Variants in ACSS1 observed in about 807,000 individuals in gnomAD.
The protein encoded by ACSS1 is acetyl-coenzyme A synthetase 2-like, mitochondrial.
ACSS1 carries 42 observed loss-of-function variants against 75.3 expected under a neutral mutation model. The observed-to-expected ratio is 0.56, with a 90% CI of 0.44 to 0.72. ACSS1 has a LOEUF of 0.72. Ranked by LOEUF, ACSS1 falls within the 30% of genes least tolerant of loss-of-function variation. The pLI is 0.00. For synonymous variants in ACSS1, 380 were observed against 376.8 expected (o/e 1.01, Z -0.10); for missense variants, 782 against 935.7 (o/e 0.84, Z 2.14).
chr20:25,027,779 CAAAA>C (rs78414153), intron 3 of ACSS1, among the ~76,000 whole-genome samples: 2 of 75,346 alleles, frequency 2.7e-5, no homozygotes, highest in Non-Finnish European at 2.7e-5. Context: ...AGTGATCAGG[CAAAA>C]AAAAAAAAAA....
At chr20:25,023,374 G>C in intron 4 of ACSS1, 92 bp downstream of exon 4, 1 of 1,502,156 alleles carries the variant, frequency 6.7e-7, no homozygotes, top group Non-Finnish European at 9.1e-7. Context: ...CACCTCTAGG[G>C]AACCCAAATT....
intron 2 of ACSS1, among the ~76,000 whole-genome samples, chr20:25,044,251 G>A (rs1230876838): frequency 6.6e-6 from 1 of 152,192 alleles, no homozygotes; most frequent in Non-Finnish European, 1.5e-5. Flanking sequence ...CCGAAAGAGA[G>A]GAACTTGCAT....
chr20:25,024,948 C>T (rs2088689649), intron 3 of ACSS1, among the ~76,000 whole-genome samples: 1 of 152,182 alleles, frequency 6.6e-6, no homozygotes. Context: ...GGCCTTCAAG[C>T]CTCAGCGATA....
chr20:25,032,626 G>C, intron 2 of ACSS1: 3 of 1,230,652 alleles, frequency 2.4e-6, no homozygotes, highest in Non-Finnish European at 3.0e-6. Flanking sequence ...CCAGAAAGCA[G>C]ACCCTCCTCG....
At chr20:25,032,592 G>A (rs1600331437) in intron 2 of ACSS1, 19 of 1,240,860 alleles carry the variant, frequency 1.5e-5, no homozygotes, top group Non-Finnish European at 1.8e-5. Flanking sequence ...CCACCAGCCC[G>A]CGACCCCTGC....
At position 25,012,712 on chromosome 20, in the gene ACSS1, C is replaced by A. The variant is rs760476656; in HGVS notation, c.1708-48G>T. The A allele has an allele frequency of 2.5e-6, 4 of 1,613,674 alleles. No individual in the cohort carries two copies. The Admixed American group carries it at 6.7e-5, about 27-fold the overall frequency. On this transcript the variant is annotated intron_variant, in intron 11 of 13. Transcript: ENST00000323482. ...GGGCAAAATGTGGCGGCCCCGGGTG[C>A]TAGAAGTGACTCGGGCCAGGGACTC...
Position 25,057,925 on chromosome 20 carries a change from C to T in ACSS1, c.178G>A (p.Ala60Thr), listed in dbSNP as rs868058636. The change falls in exon 1 of 14, where the codon GCG becomes ACG. Residue 60 changes from alanine to threonine, a missense_variant. Ala to Thr is a moderately conservative substitution (Grantham distance 58, BLOSUM62 0). Transcript: ENST00000323482. ...TCCCGGGCTGCCTGTGCACTCAGCG[C>T]GGGATACGAGCCTGGCTGTGCTGCT... ...AAAAQPGSYP[A>T]LSAQAAREPA... 2 of 1,610,258 alleles carry T rather than the reference C, an allele frequency of 1.2e-6. No homozygotes were observed. Among genetic ancestry groups the T allele is most frequent in the African/African-American group, 1.3e-5 (1 of 74,932 alleles).
At chr20:25,032,406 C>T in intron 2 of ACSS1, 1 of 1,405,118 alleles carries the variant, frequency 7.1e-7, no homozygotes, top group Admixed American at 2.7e-5. Context: ...TGGAAGCGAT[C>T]CCAAGGTTGT....
chr20:25,051,609 C>T (rs961046432), intron 1 of ACSS1, among the ~76,000 whole-genome samples: 2 of 152,198 alleles, frequency 1.3e-5, no homozygotes, highest in Non-Finnish European at 2.9e-5. Context: ...TCCTGGGACC[C>T]GACTCTGACG....
chr20:25,028,657 T>G (rs2088770439), intron 3 of ACSS1, among the ~76,000 whole-genome samples: 1 of 152,150 alleles, frequency 6.6e-6, no homozygotes, highest in South Asian at 2.1e-4. Context: ...AAACTTAAAT[T>G]CTTTGAAGAA....
intron 13 of ACSS1, 79 bp downstream of exon 13, chr20:25,009,191 G>A: frequency 8.1e-7 from 1 of 1,238,544 alleles, no homozygotes; most frequent in South Asian, 1.3e-5. Context: ...AGAGTAATAT[G>A]CTCCTAAAAG....
intron 9 of ACSS1, 72 bp downstream of exon 9, chr20:25,013,889 G>A: frequency 1.3e-6 from 2 of 1,493,372 alleles, no homozygotes; most frequent in Non-Finnish European, 1.8e-6. Context: ...ACACAGGAGA[G>A]AGCTGGGCTG....
chr20:25,035,370 A>G (rs572264573), intron 2 of ACSS1, among the ~76,000 whole-genome samples: 4 of 150,054 alleles, frequency 2.7e-5, no homozygotes, highest in African/African-American at 7.3e-5. Flanking sequence ...ATTTATCCCA[A>G]TCTAATTCTA....
At chr20:25,029,950 G>C (rs2088792714) in intron 3 of ACSS1, among the ~76,000 whole-genome samples, 1 of 152,198 alleles carries the variant, frequency 6.6e-6, no homozygotes, top group African/African-American at 2.4e-5. Context: ...TGGTATTACA[G>C]AGTTCTAGAG....
chr20:25,020,192 GTTTAC>G (rs749878634), intron 6 of ACSS1, 45 bp from the exon 7 acceptor site: 151 of 1,612,024 alleles, frequency 9.4e-5, no homozygotes, highest in Non-Finnish European at 1.2e-4. Flanking sequence ...AGCTGACATG[GTTTAC>G]TTTAAACTCA....
At chr20:25,037,307 C>A (rs1054308758) in intron 2 of ACSS1, among the ~76,000 whole-genome samples, 1 of 152,146 alleles carries the variant, frequency 6.6e-6, no homozygotes. Flanking sequence ...GAGCGACACC[C>A]ACCCTGCAGA....
chr20:25,007,818 C>A lies in ACSS1; in HGVS notation c.2014G>T (p.Ala672Ser), dbSNP rs143890712. 6 of 1,614,182 alleles carry A rather than the reference C, an allele frequency of 3.7e-6. No homozygotes were observed. The highest frequency in any genetic ancestry group is 5.1e-6 in the Non-Finnish European group (6 of 1,180,016). ...TTTLEDPSII[A>S]EILSVYQKCK... Reference sequence around the variant, plus strand: ...TTCTGGTAGACACTCAGGATCTCTGCGATGATGCTGGGGTCCTCCAAGGTG... The same window carrying A: ...TTCTGGTAGACACTCAGGATCTCTGAGATGATGCTGGGGTCCTCCAAGGTG... Residue 672 changes from alanine (A) to serine (S), a missense_variant, in exon 14 of 14, where the codon GCA becomes TCA. Ala to Ser is a moderately conservative substitution (Grantham distance 99). Around this residue, in one of 2 missense-constraint regions of ACSS1, gnomAD observed 405 missense variants for 552.6 expected, o/e 0.73. Transcript: ENST00000323482.
intron 3 of ACSS1, among the ~76,000 whole-genome samples, chr20:25,028,098 A>G (rs1000371507): frequency 6.6e-6 from 1 of 152,222 alleles, no homozygotes; most frequent in African/African-American, 2.4e-5. Context: ...GAATACCACA[A>G]AATATTGTTG....
Position 25,023,055 on chromosome 20 carries a change from C to G in ACSS1, c.845G>C (p.Ser282Thr), listed in dbSNP as rs2088652065. 6.2e-7 allele frequency: 1 copy of G among 1,613,900 alleles called. No individual in the cohort carries two copies. The highest frequency in any genetic ancestry group is 8.5e-7 in the Non-Finnish European group (1 of 1,179,922). ...AKEDPVCAPE[S>T]MGSEDMLFML... ...GAAGAGCATGTCCTCACTGCCCATG[C>G]TCTCTGGGGCGCAAACAGGGTCCTC... The change falls in exon 5 of 14, where the codon AGC becomes ACC. Residue 282 changes from serine to threonine, a missense_variant. Coordinates refer to ENST00000323482, the MANE Select transcript of ACSS1 (RefSeq NM_032501.4).
Sources: allele counts gnomAD v4.1 joint callset (sites outside exome capture counted in the v4.1 genomes callset), GRCh38; gene constraint gnomAD v4.1.1; regional missense constraint gnomAD v4.1.1; transcripts MANE v1.5; gene names NCBI Gene and HGNC (gene_info 2026-07-23, HGNC 2026-07-21).